Variants in PXK observed in about 807,000 individuals in gnomAD.
PXK encodes the protein PX domain-containing protein kinase-like protein.
A neutral mutation model predicts 84.7 loss-of-function variants in PXK; 35 were observed. The ratio of observed to expected loss-of-function variants is 0.41; its 90% CI spans 0.32 to 0.55. The LOEUF (loss-of-function observed/expected upper bound fraction) is 0.55. Among genes scored for constraint, PXK ranks in the 20% least tolerant of loss-of-function variants. The pLI is 0.21. For missense variants in PXK, 634 were observed against 699.7 expected (o/e 0.91, Z 1.06); for synonymous variants, 253 against 260.8 (o/e 0.97, Z 0.29).
chr3:58,381,462 A>T (rs1211236825), intron 3 of PXK, among the ~76,000 whole-genome samples: 5 of 150,884 alleles, frequency 3.3e-5, no homozygotes, highest in Non-Finnish European at 1.5e-5. Flanking sequence ...TGGACTCTGG[A>T]AGGTACCCTT....
intron 17 of PXK, among the ~76,000 whole-genome samples, chr3:58,419,977 T>C (rs1442997316): frequency 1.3e-5 from 2 of 152,386 alleles, no homozygotes; most frequent in African/African-American, 2.4e-5. Flanking sequence ...AGGGGCCCAG[T>C]GCTTCCGCCT....
chr3:58,342,396 A>G (rs753460129), intron 1 of PXK, among the ~76,000 whole-genome samples: 18 of 151,164 alleles, frequency 1.2e-4, no homozygotes, highest in Non-Finnish European at 2.1e-4. Flanking sequence ...TAATCATAGC[A>G]CTTTGAGAGG....
In PXK at chr3:58,390,559, G is replaced by A. The variant is rs760942328; in HGVS notation, c.389-23G>A. On this transcript the variant is annotated intron_variant, in intron 4 of 17. Transcript: ENST00000356151. This position sits in a 1 kb window ranked among gnomAD's most constrained non-coding sequence, Gnocchi z 4.2. ...CCCTTTCCTGATATGTCTGACTAAT[G>A]GGTTTCTAAAATGTCTTTGCAGAGA... 1 of 1,597,788 alleles carries A rather than the reference G, an allele frequency of 6.3e-7. No homozygotes were observed. The highest frequency in any genetic ancestry group is 1.3e-5 in the African/African-American group (1 of 74,522).
chr3:58,423,616 T>C, intron 17 of PXK: 1 of 1,471,624 alleles, frequency 6.8e-7, no homozygotes, highest in Non-Finnish European at 9.1e-7. Flanking sequence ...TTAAGTAGGG[T>C]AGCTTTACCT....
At position 58,397,781 on chromosome 3, in the gene PXK, C is replaced by G; in HGVS notation, c.1102+59C>G. On this transcript the variant is annotated intron_variant, in intron 11 of 17. Transcript: ENST00000356151. The surrounding 1 kb of genome is among the most constrained non-coding windows in gnomAD (Gnocchi z 4.7). ...CTAGTAGTGTGCAGAGCCACTCATCCCCTTTCCAGAGTCCAGGAAAGACCC... is the reference window on the plus strand; with the variant it reads ...CTAGTAGTGTGCAGAGCCACTCATCGCCTTTCCAGAGTCCAGGAAAGACCC... The G allele has an allele frequency of 7.3e-7, 1 of 1,367,368 alleles. No individual in the cohort carries two copies. The highest frequency in any genetic ancestry group is 1.2e-5 in the South Asian group (1 of 85,454). 84.7% of individuals were successfully genotyped at this position (1,367,368 alleles called of 1,614,324 possible). A position where few individuals can be genotyped will look rare whatever the true frequency, so the allele number is the denominator to read the frequency against.
At position 58,395,725 on chromosome 3, in the gene PXK, A is replaced by G. The variant is rs2057555610; in HGVS notation, c.788A>G (p.Gln263Arg). 1 of 1,613,360 alleles carries G rather than the reference A, an allele frequency of 6.2e-7. No homozygotes were observed. The highest frequency in any genetic ancestry group is 1.3e-5 in the African/African-American group (1 of 75,036). The change falls in exon 9 of 18, where the codon CAG (glutamine) becomes CGG (arginine). Residue 263 changes from glutamine (Q) to arginine (R), a missense_variant. Gln to Arg is a conservative substitution (Grantham distance 43). Coordinates refer to ENST00000356151, the MANE Select transcript of PXK (RefSeq NM_017771.5). ...AAGAAGATTCAGGGCCTGGAACTCC[A>G]GCAAATAAAAACATATGGACGGCAA... ...NPKKIQGLEL[Q>R]QIKTYGRQIL...
At chr3:58,375,712 A>G (rs2098436477) in intron 3 of PXK, among the ~76,000 whole-genome samples, 1 of 152,184 alleles carries the variant, frequency 6.6e-6, no homozygotes, top group Non-Finnish European at 1.5e-5. Context: ...CATAGTCCCC[A>G]TGTGAGTGTG....
intron 1 of PXK, among the ~76,000 whole-genome samples, chr3:58,335,018 GGTGTGTGTGTGTGTGTGTGT>G (rs375780661): frequency 9.4e-6 from 1 of 106,504 alleles, no homozygotes; most frequent in African/African-American, 3.5e-5. Flanking sequence ...TGTCCAGGCT[GGTGTGTGTGTGTGTGTGTGT>G]GTGTGTGTGT....
In PXK at chr3:58,401,625, C is replaced by T. The variant is rs978858695; in HGVS notation, c.1182-2237C>T. ...TAGATGACAGAGTAAGACCCTGTCT[C>T]AAAAATAAAACAAAGTGAGGGGCAG... is the stretch of plus-strand genomic sequence containing the variant. On this transcript the variant is annotated intron_variant, in intron 12 of 17. Coordinates refer to ENST00000356151, the MANE Select transcript of PXK (RefSeq NM_017771.5). The surrounding 1 kb of genome is among the most constrained non-coding windows in gnomAD (Gnocchi z 4.4). 4.6e-5 allele frequency among the ~76,000 whole-genome samples: 7 copies of T among 151,612 alleles called. No homozygotes were observed. The highest frequency in any genetic ancestry group is 7.4e-5 in the Non-Finnish European group (5 of 67,902).
Position 58,364,833 on chromosome 3 carries a change from C to T in PXK, c.103-1041C>T, listed in dbSNP as rs887935856. On this transcript the variant is annotated intron_variant, in intron 1 of 17. Transcript: ENST00000356151. This position sits in a 1 kb window ranked among gnomAD's most constrained non-coding sequence, Gnocchi z 4.3. ...GTTGTCAAATTGATATATGTAGAAT[C>T]GTTCACAGCATTCCCTTATCCATTT... is the stretch of plus-strand genomic sequence containing the variant. 4.6e-5 allele frequency among the ~76,000 whole-genome samples: 7 copies of T among 152,076 alleles called. No individual in the cohort carries two copies. Among genetic ancestry groups the T allele is most frequent in the Non-Finnish European group, 8.8e-5 (6 of 68,018 alleles).
chr3:58,338,535 A>G (rs980514720), intron 1 of PXK, among the ~76,000 whole-genome samples: 2 of 151,836 alleles, frequency 1.3e-5, no homozygotes, highest in Admixed American at 6.6e-5. Context: ...AGGCAGGAGA[A>G]TTGCTTGAAC....
chr3:58,406,423 G>A (rs539345270), intron 13 of PXK, among the ~76,000 whole-genome samples: 3 of 151,622 alleles, frequency 2.0e-5, no homozygotes, highest in East Asian at 3.9e-4. Flanking sequence ...GACAACAGGC[G>A]CGTACCACCA....
At chr3:58,381,811 G>C (rs1417605916) in intron 3 of PXK, among the ~76,000 whole-genome samples, 1 of 152,070 alleles carries the variant, frequency 6.6e-6, no homozygotes, top group Non-Finnish European at 1.5e-5. Context: ...AGCCATGACA[G>C]TATGAGCATT....
At chr3:58,358,738 C>T (rs908622683) in intron 1 of PXK, among the ~76,000 whole-genome samples, 5 of 152,138 alleles carry the variant, frequency 3.3e-5, no homozygotes, top group Non-Finnish European at 5.9e-5. Context: ...CAGGCATTAC[C>T]AGATGTCTGC....
Position 58,424,774 on chromosome 3 carries a change from T to C in PXK, c.1551T>C (p.Pro517=). 6.2e-7 allele frequency: 1 copy of C among 1,613,740 alleles called. No homozygotes were observed. Residue 517 remains proline, a synonymous_variant, in exon 18 of 18, where the codon CCT becomes CCC. Coordinates refer to ENST00000356151, the MANE Select transcript of PXK (RefSeq NM_017771.5). ...STSGISALPP[P]PPPPPPPAAP... Reference sequence around the variant, plus strand: ...CAGGGATATCTGCATTACCTCCACCTCCTCCACCTCCACCACCACCAGCAG... The same window carrying C: ...CAGGGATATCTGCATTACCTCCACCCCCTCCACCTCCACCACCACCAGCAG...
In PXK at chr3:58,421,929, CAT is replaced by C. The variant is rs949392352; in HGVS notation, c.1529-2820_1529-2819del. On this transcript the variant is annotated intron_variant, in intron 17 of 17. Coordinates refer to ENST00000356151, the MANE Select transcript of PXK (RefSeq NM_017771.5). The surrounding 1 kb of genome is among the most constrained non-coding windows in gnomAD (Gnocchi z 5.5). ...GTCTAACATGGAATCGGTCTGCTCT[CAT>C]ATGTGGCCTGGAGATAAGGGTATTG... is the stretch of plus-strand genomic sequence containing the variant. 1.0e-6 allele frequency: 1 copy of C among 985,296 alleles called. No individual in the cohort carries two copies. Among genetic ancestry groups the C allele is most frequent in the Non-Finnish European group, 1.2e-6 (1 of 829,938 alleles). The allele number at this position is 985,296 out of a possible 1,614,324, so 61.0% of individuals were successfully genotyped here.
chr3:58,337,916 C>A (rs553739513), intron 1 of PXK, among the ~76,000 whole-genome samples: 73 of 152,280 alleles, frequency 4.8e-4, no homozygotes, highest in Non-Finnish European at 9.1e-4. Flanking sequence ...AATGTAATGG[C>A]AAATTAGGAG....
At chr3:58,335,018 G>GGTGTGTGTGTGTGTGTGTGTGT (rs375780661) in intron 1 of PXK, among the ~76,000 whole-genome samples, 5 of 106,504 alleles carry the variant, frequency 4.7e-5, no homozygotes, top group Non-Finnish European at 9.6e-5. Context: ...TGTCCAGGCT[G>GGTGTGTGTGTGTGTGTGTGTGT]GTGTGTGTGT....
In PXK at chr3:58,382,653, T is replaced by C; in HGVS notation, c.341T>C (p.Leu114Pro). The C allele has an allele frequency of 5.7e-6, 9 of 1,590,474 alleles. No homozygotes were observed. The highest frequency in any genetic ancestry group is 7.7e-6 in the Non-Finnish European group (9 of 1,172,884). ...TTNHILSNCELVKKFLDPNNY... is the reference protein window; with the variant it reads ...TTNHILSNCEPVKKFLDPNNY... The stretch of plus-strand genomic sequence containing the variant: ...AATCATATCTTGTCTAATTGTGAGC[T>C]GGTTAAGAAGTTTTTAGATCCAAAC... The change falls in exon 4 of 18, where the codon CTG (leucine) becomes CCG (proline). Residue 114 changes from leucine to proline, a missense_variant. Coordinates refer to ENST00000356151, the MANE Select transcript of PXK (RefSeq NM_017771.5).
Sources: gnomAD v4.1 joint callset for allele counts (sites outside exome capture counted in the v4.1 genomes callset) on GRCh38, gnomAD v4.1.1 for gene constraint, Gnocchi (gnomAD v3.1) non-coding constraint, MANE v1.5 for transcripts, NCBI Gene and HGNC (gene_info 2026-07-23, HGNC 2026-07-21) for gene names.